The following ESCO2 variants were observed in gnomAD, a reference collection of about 807,000 sequenced individuals.
ESCO2 encodes the protein N-acetyltransferase ESCO2.
A neutral mutation model predicts 61.7 loss-of-function variants in ESCO2; 51 were observed. That is an observed-to-expected ratio of 0.83 (90% CI 0.66 to 1.04). ESCO2 has a LOEUF of 1.04. Among genes scored for constraint, ESCO2 ranks in the 50% least tolerant of loss-of-function variants. The probability of loss-of-function intolerance (pLI) is 0.00; values close to 1 mark genes in which losing one functional copy is unlikely to be tolerated. For missense variants in ESCO2, 692 were observed against 686.2 expected (o/e 1.01, Z -0.09); for synonymous variants, 230 against 238.2 (o/e 0.97, Z 0.32).
At chr8:27,786,522 T>G (rs1345082892) in intron 5 of ESCO2, among the ~76,000 whole-genome samples, 1 of 152,246 alleles carries the variant, frequency 6.6e-6, no homozygotes, top group Non-Finnish European at 1.5e-5. Context: ...GTTTGCTGTT[T>G]GCTCATATAG....
intron 3 of ESCO2, 176 bp downstream of exon 3, chr8:27,777,345 A>ACCC (rs1563469419): frequency 1.7e-6 from 1 of 583,102 alleles, no homozygotes; most frequent in Non-Finnish European, 2.7e-6. Flanking sequence ...TTTCTTTATG[A>ACCC]CCCAGGCTGT....
Position 27,787,947 on chromosome 8 carries a change from A to C in ESCO2, c.1076A>C (p.Gln359Pro), listed in dbSNP as rs57479434. The C allele has an allele frequency of 9.3e-4, 1,508 of 1,613,860 alleles. 7 individuals carry two copies. Among genetic ancestry groups the C allele is most frequent in the African/African-American group, 9.1e-3 (683 of 75,050 alleles). The change falls in exon 6 of 11, where the codon CAG becomes CCG. Residue 359 changes from glutamine (Q) to proline (P), a missense_variant. Coordinates refer to ENST00000305188, the MANE Select transcript of ESCO2 (RefSeq NM_001017420.3). ...SVNFMKQTNI[Q>P]KNTNTRDTSK... is the part of the protein sequence containing the mutation. ...AACTTCATGAAACAGACCAATATCC[A>C]GAAAAATACTAATACCAGAGATACA...
At chr8:27,814,226 C>T (rs1425619035), downstream of ESCO2, among the ~76,000 whole-genome samples, 1 of 152,122 alleles carries the variant, frequency 6.6e-6, no homozygotes, top group African/African-American at 2.4e-5. Flanking sequence ...AGACATAGGG[C>T]TATGTGGATT....
At position 27,784,020 on chromosome 8, in the gene ESCO2, T is replaced by C; in HGVS notation, c.976T>C (p.Tyr326His). Residue 326 changes from tyrosine (Y) to histidine (H), a missense_variant, in exon 5 of 11, where the codon TAT becomes CAT. By Grantham distance (83) the Tyr-to-His change is moderately conservative (BLOSUM62 2). Transcript: ENST00000305188. Reference sequence around the variant, plus strand: ...ACCAGTTTCTCCTAAGTCCACTGTCTATCCAATCTTCAGTGCATCTTCAGT... The same window carrying C: ...ACCAGTTTCTCCTAAGTCCACTGTCCATCCAATCTTCAGTGCATCTTCAGT... Reference protein sequence around the residue: ...NKTISPKSTVYPIFSASSVNS... With the variant: ...NKTISPKSTVHPIFSASSVNS... 1.2e-6 allele frequency: 2 copies of C among 1,613,620 alleles called. No individual in the cohort carries two copies. Among genetic ancestry groups the C allele is most frequent in the African/African-American group, 2.7e-5 (2 of 75,040 alleles).
At chr8:27,813,954 T>C (rs972042512), downstream of ESCO2, among the ~76,000 whole-genome samples, 5 of 152,180 alleles carry the variant, frequency 3.3e-5, no homozygotes, top group African/African-American at 1.2e-4. Context: ...CAGGTGTACA[T>C]GTTTATGTGT....
chr8:27,792,826 T>G lies in ESCO2; in HGVS notation c.1497+15T>G, dbSNP rs1805208536. Reference sequence around the variant, plus strand: ...CCATCAAACAGGTATGGTATATTTGTTTTAAATTATTGGCATAATTTGCAG... The same window carrying G: ...CCATCAAACAGGTATGGTATATTTGGTTTAAATTATTGGCATAATTTGCAG... On this transcript the variant is annotated intron_variant, in intron 9 of 10. Coordinates refer to ENST00000305188, the MANE Select transcript of ESCO2 (RefSeq NM_001017420.3). 6.4e-7 allele frequency: 1 copy of G among 1,554,124 alleles called. No individual in the cohort carries two copies. The highest frequency in any genetic ancestry group is 1.4e-5 in the African/African-American group (1 of 72,494).
chr8:27,807,092 T>C (rs531886679), downstream of ESCO2, among the ~76,000 whole-genome samples: 53 of 152,360 alleles, frequency 3.5e-4, no homozygotes, highest in African/African-American at 1.2e-3. Flanking sequence ...TTTAGAATCT[T>C]ACAGCTTTTT....
At chr8:27,802,658 A>T (rs1467983093) in intron 10 of ESCO2, among the ~76,000 whole-genome samples, 19 of 87,386 alleles carry the variant, frequency 2.2e-4, no homozygotes, top group African/African-American at 6.2e-4. Context: ...TATATATATT[A>T]TATATATATA....
At position 27,803,581 on chromosome 8, in the gene ESCO2, T is replaced by C. The variant is rs1342784942; in HGVS notation, c.*143T>C. ...ACACACACACACGCACACACACATA[T>C]CACAGTTTTGTTCCTTATGAGTTGA... On this transcript the variant is annotated 3_prime_UTR_variant, in exon 11 of 11. Transcript: ENST00000305188. 2 of 1,228,460 alleles carry C rather than the reference T, an allele frequency of 1.6e-6. No individual in the cohort carries two copies. Among genetic ancestry groups the C allele is most frequent in the African/African-American group, 3.4e-5 (2 of 58,680 alleles). 76.1% of individuals were successfully genotyped at this position (1,228,460 alleles called of 1,614,324 possible).
chr8:27,810,360 G>A (rs752440460), downstream of ESCO2: 1 of 1,612,550 alleles, frequency 6.2e-7, no homozygotes, highest in Non-Finnish European at 8.5e-7. Context: ...ACGATCTTTA[G>A]GGTCTTCATT....
chr8:27,779,533 G>A (rs1236770400), intron 3 of ESCO2: 1 of 152,278 alleles, frequency 6.6e-6, no homozygotes, highest in East Asian at 1.9e-4. Flanking sequence ...CCAGTTTGGT[G>A]GCTGCTGGGG....
intron 6 of ESCO2, 109 bp downstream of exon 6, chr8:27,788,111 T>C (rs1805089331): frequency 1.3e-6 from 1 of 760,918 alleles, no homozygotes; most frequent in African/African-American, 1.7e-5. Flanking sequence ...CATTAAGCAA[T>C]GTTTTATGTG....
At chr8:27,772,543 T>C (rs931984555), upstream of ESCO2, 10 of 1,549,318 alleles carry the variant, frequency 6.5e-6, no homozygotes, top group East Asian at 4.9e-5. Flanking sequence ...AACACCATGA[T>C]CCCGGGAGCG....
intron 7 of ESCO2, among the ~76,000 whole-genome samples, chr8:27,790,486 A>T (rs1287749477): frequency 6.6e-6 from 1 of 152,142 alleles, no homozygotes; most frequent in African/African-American, 2.4e-5. Context: ...TCTTTCAGAG[A>T]TATTTTCTGC....
At chr8:27,780,737 A>C (rs1804907615) in intron 4 of ESCO2, among the ~76,000 whole-genome samples, 1 of 152,228 alleles carries the variant, frequency 6.6e-6, no homozygotes, top group Admixed American at 6.5e-5. Flanking sequence ...TGTATGATCT[A>C]GGAAGATATC....
At chr8:27,813,383 G>A (rs999727149), downstream of ESCO2, among the ~76,000 whole-genome samples, 3 of 152,030 alleles carry the variant, frequency 2.0e-5, no homozygotes, top group African/African-American at 7.3e-5. Flanking sequence ...AATGGGTGCA[G>A]CAAACCAACA....
At chr8:27,817,102 T>G (rs779819894), downstream of ESCO2, among the ~76,000 whole-genome samples, 1 of 152,156 alleles carries the variant, frequency 6.6e-6, no homozygotes, top group African/African-American at 2.4e-5. Flanking sequence ...GCTTTAAGAA[T>G]TGCTATTGCT....
upstream of ESCO2, chr8:27,772,619 C>T: frequency 3.5e-6 from 5 of 1,447,950 alleles, no homozygotes; most frequent in East Asian, 2.5e-5. Flanking sequence ...AGACTCGCGG[C>T]GGCCGCCTGG....
At chr8:27,808,092 C>T (rs976548717), downstream of ESCO2, 3 of 328,728 alleles carry the variant, frequency 9.1e-6, no homozygotes, top group Non-Finnish European at 1.4e-5. Context: ...TTTGTTTTTC[C>T]CAAATTCTTA....
Sources: gnomAD v4.1 joint callset for allele counts (sites outside exome capture counted in the v4.1 genomes callset) on GRCh38, gnomAD v4.1.1 for gene constraint, MANE v1.5 for transcripts, NCBI Gene and HGNC (gene_info 2026-07-23, HGNC 2026-07-21) for gene names.